The following CHD7 variants were observed in gnomAD, a reference collection of about 807,000 sequenced individuals.
The protein encoded by CHD7 is ATP-dependent chromatin remodeler CHD7.
CHD7 carries 24 observed loss-of-function variants against 307.3 expected under a neutral mutation model. That is an observed-to-expected ratio of 0.08 (90% confidence interval 0.06 to 0.11). The LOEUF is 0.11. CHD7 is among the 10% of genes least tolerant of loss of function. The pLI is 1.00. For synonymous variants in CHD7, 1,363 were observed against 1,349.9 expected (o/e 1.01, Z -0.21); for missense variants, 3,106 against 3,727.1 (o/e 0.83, Z 4.34).
Position 60,852,014 on chromosome 8 carries a change from C to T in CHD7, c.5666-5C>T. On this transcript the variant is annotated splice_region_variant and splice_polypyrimidine_tract_variant and intron_variant, in intron 28 of 37. Coordinates refer to ENST00000423902, the MANE Select transcript of CHD7 (RefSeq NM_017780.4). ...CATTTCAAAAATGTTTTTCCACTTCCCCAGGCAAGCACAGTGAGAGTAATG... is the reference window on the plus strand; with the variant it reads ...CATTTCAAAAATGTTTTTCCACTTCTCCAGGCAAGCACAGTGAGAGTAATG... 6.3e-7 allele frequency: 1 copy of T among 1,599,440 alleles called. No individual in the cohort carries two copies. The highest frequency in any genetic ancestry group is 1.3e-5 in the African/African-American group (1 of 74,618).
intron 7 of CHD7, among the ~76,000 whole-genome samples, chr8:60,812,732 GTTT>G (rs1016598288): frequency 5.3e-5 from 8 of 149,978 alleles, no homozygotes; most frequent in Middle Eastern, 3.5e-3. Flanking sequence ...TTGTCCTAAA[GTTT>G]TTATTTATTT....
At chr8:60,822,276 A>T (rs966374896) in intron 11 of CHD7, 131 bp downstream of exon 11, 3 of 752,792 alleles carry the variant, frequency 4.0e-6, no homozygotes, top group Admixed American at 7.0e-5. Context: ...AGCATTGAAA[A>T]TATATGTAAT....
rs1191184806 is a variant in CHD7 at position 60,852,237 on chromosome 8, A to G, written c.5884A>G (p.Lys1962Glu). The G allele has an allele frequency of 1.2e-6, 2 of 1,612,122 alleles. No homozygotes were observed. Among genetic ancestry groups the G allele is most frequent in the Non-Finnish European group, 1.7e-6 (2 of 1,179,164 alleles). Residue 1962 changes from lysine to glutamate, a missense_variant, in exon 29 of 38, where the codon AAG becomes GAG. Coordinates refer to ENST00000423902, the MANE Select transcript of CHD7 (RefSeq NM_017780.4). ...GGAAAGGGAAGCTATTATATCTGAG[A>G]AGCGGCAAAAGTGAGTTTCTTCAAG... ...EAEREAIISE[K>E]RQKWTRREEA... is the part of the protein sequence containing the mutation.
chr8:60,822,182 T>C, intron 11 of CHD7, 37 bp downstream of exon 11: 1 of 1,546,372 alleles, frequency 6.5e-7, no homozygotes, highest in Non-Finnish European at 8.8e-7. Context: ...TTTAAATATA[T>C]CTGTAGTTCC....
At chr8:60,738,493 A>C (rs1251532232) in intron 1 of CHD7, among the ~76,000 whole-genome samples, 2 of 150,690 alleles carry the variant, frequency 1.3e-5, no homozygotes, top group Non-Finnish European at 3.0e-5. Flanking sequence ...GAAGCTTTCA[A>C]AATAGGGCTT....
chr8:60,807,416 C>T (rs762386446), intron 6 of CHD7, among the ~76,000 whole-genome samples: 3 of 152,128 alleles, frequency 2.0e-5, no homozygotes, highest in Non-Finnish European at 4.4e-5. Context: ...GAGCCTAAAA[C>T]CAAAAGGGGA....
At chr8:60,690,490 AT>A (rs961821172) in intron 1 of CHD7, among the ~76,000 whole-genome samples, 17 of 152,338 alleles carry the variant, frequency 1.1e-4, no homozygotes, top group African/African-American at 3.6e-4. Flanking sequence ...AATAAAAAAA[AT>A]AAACATCTGG....
rs571437837 is a variant in CHD7 at position 60,785,208 on chromosome 8, T to G, written c.2096+3778T>G. ...ATGGTCCATTTAGCTATATAAAGAT[T>G]CTTTGAATGTACAGAAAGAAGGGAA... On this transcript the variant is annotated intron_variant, in intron 3 of 37. Transcript: ENST00000423902. Among the ~76,000 whole-genome samples, 6 of 152,330 alleles carry G rather than the reference T, an allele frequency of 3.9e-5. No individual in the cohort carries two copies. The South Asian group carries it at 1.0e-3, about 26-fold the overall frequency.
chr8:60,857,084 G>T (rs1805752290), intron 34 of CHD7, among the ~76,000 whole-genome samples, 196 bp downstream of exon 34: 1 of 152,232 alleles, frequency 6.6e-6, no homozygotes, highest in Non-Finnish European at 1.5e-5. Context: ...ACGAAGTGTA[G>T]CTTGAGGATG....
chr8:60,837,138 A>T, intron 17 of CHD7, 126 bp downstream of exon 17: 1 of 718,762 alleles, frequency 1.4e-6, no homozygotes, highest in South Asian at 2.3e-5. Flanking sequence ...TATGATTCAG[A>T]GCAAATAACC....
chr8:60,729,078 G>A (rs548097081), intron 1 of CHD7, among the ~76,000 whole-genome samples: 10 of 152,322 alleles, frequency 6.6e-5, no homozygotes, highest in African/African-American at 2.2e-4. Context: ...TAACCAGTTT[G>A]TATGTAGCCA....
intron 15 of CHD7, among the ~76,000 whole-genome samples, chr8:60,834,530 A>G (rs888331606): frequency 3.9e-5 from 6 of 152,216 alleles, no homozygotes; most frequent in African/African-American, 1.2e-4. Context: ...TTTATTCAAG[A>G]ACATTCTTGC....
chr8:60,785,756 TAGTC>T (rs1271227465), intron 3 of CHD7, among the ~76,000 whole-genome samples: 3 of 152,164 alleles, frequency 2.0e-5, no homozygotes, highest in East Asian at 1.9e-4. Context: ...AAAACCTAAA[TAGTC>T]AGATATCTTC....
chr8:60,775,877 C>T (rs1466917843), intron 2 of CHD7, among the ~76,000 whole-genome samples: 1 of 152,172 alleles, frequency 6.6e-6, no homozygotes, highest in Non-Finnish European at 1.5e-5. Flanking sequence ...CCTGCCTCAG[C>T]CTCCCAAGTA....
At chr8:60,763,663 G>A (rs1297575133) in intron 2 of CHD7, among the ~76,000 whole-genome samples, 1 of 152,206 alleles carries the variant, frequency 6.6e-6, no homozygotes, top group African/African-American at 2.4e-5. Flanking sequence ...ATTGGACCTT[G>A]TGGATAGGGA....
chr8:60,719,419 G>A (rs778533492), intron 1 of CHD7, among the ~76,000 whole-genome samples: 5 of 152,086 alleles, frequency 3.3e-5, no homozygotes, highest in African/African-American at 9.7e-5. Flanking sequence ...TATTTGAAAC[G>A]TGTGGGGGCT....
intron 1 of CHD7, among the ~76,000 whole-genome samples, chr8:60,714,415 C>CCCCCCCA: frequency 2.3e-5 from 1 of 43,034 alleles, no homozygotes; most frequent in Non-Finnish European, 8.5e-5. Context: ...GGCCCCCCCC[C>CCCCCCCA]CCCCCCCCCC....
In CHD7 at chr8:60,860,769, A is replaced by G. The variant is rs866754473; in HGVS notation, c.7609-135A>G. On this transcript the variant is annotated intron_variant, in intron 34 of 37. Transcript: ENST00000423902. ...GACTTTTAATAGCTGTTCCCAAACAACTAGACATTGTTTCTAGTAACTATT... is the reference window on the plus strand; with the variant it reads ...GACTTTTAATAGCTGTTCCCAAACAGCTAGACATTGTTTCTAGTAACTATT... 2.3e-4 allele frequency: 166 copies of G among 734,020 alleles called. No individual in the cohort carries two copies. The Middle Eastern group carries it at 3.3e-3, about 15-fold the overall frequency. 45.5% of individuals were successfully genotyped at this position (734,020 alleles called of 1,614,324 possible). A position where few individuals can be genotyped will look rare whatever the true frequency, so the allele number is the denominator to read the frequency against.
intron 2 of CHD7, among the ~76,000 whole-genome samples, chr8:60,780,081 C>G (rs893025955): frequency 3.3e-5 from 5 of 152,078 alleles, no homozygotes; most frequent in African/African-American, 1.2e-4. Flanking sequence ...TATAAATGTT[C>G]GTTAGATGTC....
Sources: allele counts gnomAD v4.1 joint callset (sites outside exome capture counted in the v4.1 genomes callset), GRCh38; gene constraint gnomAD v4.1.1; transcripts MANE v1.5; gene names NCBI Gene and HGNC (gene_info 2026-07-23, HGNC 2026-07-21).